Variants in HOMER2 observed in about 807,000 individuals in gnomAD.
HOMER2 encodes homer protein homolog 2.
HOMER2 carries 27 observed loss-of-function variants against 47.0 expected under a neutral mutation model. The ratio of observed to expected loss-of-function variants is 0.57; its 90% CI spans 0.42 to 0.79. The LOEUF (loss-of-function observed/expected upper bound fraction) is 0.79. Among genes scored for constraint, HOMER2 ranks in the 30% least tolerant of loss-of-function variants. The pLI, the probability that HOMER2 is intolerant of heterozygous loss-of-function variation, is 0.00. For missense variants in HOMER2, 443 were observed against 435.0 expected, an observed-to-expected ratio of 1.02 and a Z score of -0.16; for synonymous variants, 161 against 163.8, an observed-to-expected ratio of 0.98 and a Z score of 0.13.
chr15:82,974,524 A>C (rs931809430), intron 1 of HOMER2, among the ~76,000 whole-genome samples: 5 of 152,362 alleles, frequency 3.3e-5, no homozygotes, highest in African/African-American at 1.2e-4. Flanking sequence ...ATGTCTAATT[A>C]GAATGAATAT....
intron 1 of HOMER2, among the ~76,000 whole-genome samples, chr15:82,920,594 G>T (rs532162143): frequency 2.6e-5 from 4 of 152,130 alleles, no homozygotes; most frequent in Non-Finnish European, 5.9e-5. Context: ...CATCTTCAAA[G>T]CTCTCTGCAG....
intron 1 of HOMER2, among the ~76,000 whole-genome samples, chr15:82,964,270 G>C (rs1337699455): frequency 6.6e-6 from 1 of 152,148 alleles, no homozygotes; most frequent in Non-Finnish European, 1.5e-5. Context: ...GCTCCAGCGC[G>C]TCCCCCTGCC....
chr15:82,949,482 T>C (rs1204732563), intron 1 of HOMER2, among the ~76,000 whole-genome samples: 2 of 151,654 alleles, frequency 1.3e-5, no homozygotes, highest in Non-Finnish European at 2.9e-5. Flanking sequence ...TGAAGTGAGG[T>C]GAGGCTGAGA....
intron 1 of HOMER2, among the ~76,000 whole-genome samples, chr15:82,984,037 T>TA (rs200959229): frequency 0.046 from 6,041 of 130,438 alleles, 144 homozygotes; most frequent in Non-Finnish European, 0.068. Flanking sequence ...TTATTATTAT[T>TA]TTTTTTTTTT....
Position 82,849,294 on chromosome 15 carries a change from G to C in HOMER2, c.*421C>G, listed in dbSNP as rs1191006449. Reference sequence around the variant, plus strand: ...ATGTTGTTCTCTCTGTGCCCCCCGGGGCTGGTGTCTGGTGGACATTCAAAT... The same window carrying C: ...ATGTTGTTCTCTCTGTGCCCCCCGGCGCTGGTGTCTGGTGGACATTCAAAT... On this transcript the variant is annotated 3_prime_UTR_variant, in exon 9 of 9. Transcript: ENST00000450735. 2 of 157,022 alleles carry C rather than the reference G, an allele frequency of 1.3e-5. No homozygotes were observed. The highest frequency in any genetic ancestry group is 4.8e-5 in the African/African-American group (2 of 41,602). 9.7% of individuals were successfully genotyped at this position (157,022 alleles called of 1,614,324 possible).
intron 1 of HOMER2, among the ~76,000 whole-genome samples, chr15:82,972,947 G>A (rs979452483): frequency 6.6e-6 from 1 of 152,134 alleles, no homozygotes; most frequent in African/African-American, 2.4e-5. Flanking sequence ...CATTAAATTC[G>A]GAGTATACCT....
Position 82,974,849 on chromosome 15 carries a change from C to T in HOMER2, n.82+10938G>A, listed in dbSNP as rs533848527. ...CTTCGGGAGGCCGAGGCAGGTGGATCGCCTGAGGTCAGGAGTTCGACACCA... is the reference window on the plus strand; with the variant it reads ...CTTCGGGAGGCCGAGGCAGGTGGATTGCCTGAGGTCAGGAGTTCGACACCA... On this transcript the variant is annotated intron_variant and non_coding_transcript_variant, in intron 1 of 1. Transcript: ENST00000500334. Among the ~76,000 whole-genome samples the T allele has an allele frequency of 1.2e-4, 18 of 152,340 alleles. No individual in the cohort carries two copies. The East Asian group carries it at 3.1e-3, about 26-fold the overall frequency.
At chr15:82,868,541 A>ATATATATATATATTTTTTT in intron 3 of HOMER2, among the ~76,000 whole-genome samples, 6 of 71,258 alleles carry the variant, frequency 8.4e-5, no homozygotes, top group Non-Finnish European at 1.1e-4. Flanking sequence ...ATATATATAT[A>ATATATATATATATTTTTTT]TTTTTTTTTT....
At chr15:82,843,745 G>A (rs2051202824) in exon 2 of HOMER2, 1 of 152,066 alleles carries the variant, frequency 6.6e-6, no homozygotes, top group African/African-American at 2.4e-5. Flanking sequence ...CAGTGTTAAA[G>A]AGGAAGCAGT....
intron 3 of HOMER2, among the ~76,000 whole-genome samples, chr15:82,868,454 A>G (rs2052049653): frequency 6.8e-6 from 1 of 147,494 alleles, no homozygotes; most frequent in Admixed American, 7.0e-5. Flanking sequence ...AGGAGGAGGG[A>G]GATGATCTGG....
Position 82,909,008 on chromosome 15 carries a change from G to A in HOMER2, c.6-16167C>T, listed in dbSNP as rs2053374163. On this transcript the variant is annotated intron_variant, in intron 1 of 8. Transcript: ENST00000450735. Reference sequence around the variant, plus strand: ...AAACCACTCAGGGAGGGTCTGCAGAGAGAAAAGAGGAGAGGAACAACCAAA... The same window carrying A: ...AAACCACTCAGGGAGGGTCTGCAGAAAGAAAAGAGGAGAGGAACAACCAAA... Among the ~76,000 whole-genome samples the A allele has an allele frequency of 2.0e-5, 3 of 152,116 alleles. No individual in the cohort carries two copies. The South Asian group carries it at 6.2e-4, about 32-fold the overall frequency.
intron 2 of HOMER2, among the ~76,000 whole-genome samples, chr15:82,891,894 C>T (rs539507242): frequency 1.3e-5 from 2 of 151,910 alleles, no homozygotes; most frequent in East Asian, 3.9e-4. Context: ...AAGGGGAATT[C>T]AGCTTTAGAT....
intron 1 of HOMER2, among the ~76,000 whole-genome samples, chr15:82,977,659 C>A (rs2030251672): frequency 6.6e-6 from 1 of 152,136 alleles, no homozygotes; most frequent in Non-Finnish European, 1.5e-5. Context: ...TCACACATGG[C>A]CCCTGGACTC....
intron 1 of HOMER2, among the ~76,000 whole-genome samples, chr15:82,920,304 T>G (rs1223435068): frequency 6.6e-6 from 1 of 152,174 alleles, no homozygotes; most frequent in East Asian, 1.9e-4. Context: ...CCCTTATACT[T>G]GATTGGTTTT....
intron 1 of HOMER2, among the ~76,000 whole-genome samples, chr15:82,981,513 T>C (rs1200914967): frequency 6.6e-6 from 1 of 152,248 alleles, no homozygotes; most frequent in Non-Finnish European, 1.5e-5. Context: ...CTTCTGGGTA[T>C]GCACCCAAAA....
upstream of HOMER2, among the ~76,000 whole-genome samples, chr15:82,953,162 T>C (rs377300585): frequency 1.3e-5 from 2 of 152,242 alleles, no homozygotes; most frequent in South Asian, 4.2e-4. Flanking sequence ...ATAGCTGTGC[T>C]CCTCCTTAAA....
chr15:82,918,738 C>A (rs2053654671), intron 1 of HOMER2, among the ~76,000 whole-genome samples: 1 of 152,190 alleles, frequency 6.6e-6, no homozygotes, highest in Non-Finnish European at 1.5e-5. Context: ...ACCTGGGAAT[C>A]TCACACCCAG....
chr15:82,865,791 G>A (rs1330519389), intron 3 of HOMER2, among the ~76,000 whole-genome samples: 1 of 152,242 alleles, frequency 6.6e-6, no homozygotes, highest in Non-Finnish European at 1.5e-5. Flanking sequence ...AGCCTTGGCA[G>A]CTTCCACATG....
chr15:82,946,197 C>A (rs2054376715), intron 1 of HOMER2, among the ~76,000 whole-genome samples: 1 of 152,214 alleles, frequency 6.6e-6, no homozygotes, highest in Non-Finnish European at 1.5e-5. Flanking sequence ...GTGCTCTGCT[C>A]AGCGTCCCGC....
Sources: allele counts gnomAD v4.1 joint callset (sites outside exome capture counted in the v4.1 genomes callset), GRCh38; gene constraint gnomAD v4.1.1; transcripts MANE v1.5; gene names NCBI Gene and HGNC (gene_info 2026-07-23, HGNC 2026-07-21).